TCL1B: variants seen among roughly 807,000 people sequenced by gnomAD.
TCL1B encodes the protein TCL1 family AKT coactivator B.
A neutral mutation model predicts 16.9 loss-of-function variants in TCL1B; 14 were observed. The ratio of observed to expected loss-of-function variants is 0.83; its 90% CI spans 0.55 to 1.30. The LOEUF (loss-of-function observed/expected upper bound fraction) is 1.30. Ranked by LOEUF, TCL1B falls within the 50% of genes most tolerant of loss-of-function variation. The probability of loss-of-function intolerance (pLI) is 0.00; values close to 1 mark genes in which losing one functional copy is unlikely to be tolerated. For synonymous variants in TCL1B, 79 were observed against 66.6 expected, an observed-to-expected ratio of 1.19 and a Z score of -0.91; for missense variants, 166 against 165.2, an observed-to-expected ratio of 1.00 and a Z score of -0.03.
At chr14:95,691,121 C>A in intron 2 of TCL1B, 147 bp from the exon 3 acceptor site, 1 of 1,097,632 alleles carries the variant, frequency 9.1e-7, no homozygotes, top group Non-Finnish European at 1.3e-6. Context: ...GGGAGGGTTG[C>A]CTTCCCTGGG....
rs982837863 is a variant in TCL1B, at chr14:95,689,204, T to G, written c.163-1532T>G. 1.1e-4 allele frequency: 17 copies of G among 152,232 alleles called. No homozygotes were observed. In the East Asian group the frequency reaches 1.7e-3, roughly 16 times the overall value. 9.4% of individuals were successfully genotyped at this position (152,232 alleles called of 1,614,324 possible). On this transcript the variant is annotated intron_variant, in intron 1 of 3. Transcript: ENST00000340722. ...CGGGGGGCTGAGGCAGGAGAATGGC[T>G]TGAACCTGGGAGGCAGAGCTTGCAG...
At chr14:95,686,658 G>T (rs750192867) in intron 1 of TCL1B, 29 bp downstream of exon 1, 101 of 1,582,964 alleles carry the variant, frequency 6.4e-5, no homozygotes, top group Non-Finnish European at 8.2e-5. Flanking sequence ...GGGAGGCTGT[G>T]GGGAGGGCTG....
intron 2 of TCL1B, 147 bp from the exon 3 acceptor site, chr14:95,691,121 C>G: frequency 9.1e-7 from 1 of 1,097,632 alleles, no homozygotes; most frequent in Non-Finnish European, 1.3e-6. Context: ...GGGAGGGTTG[C>G]CTTCCCTGGG....
At chr14:95,690,205 T>C (rs1885849505) in intron 1 of TCL1B, among the ~76,000 whole-genome samples, 1 of 152,228 alleles carries the variant, frequency 6.6e-6, no homozygotes, top group African/African-American at 2.4e-5. Context: ...TCTCATTATG[T>C]TGCCGAGGCT....
intron 1 of TCL1B, chr14:95,688,120 C>T (rs144125780): frequency 0.018 from 2,724 of 152,018 alleles, 51 homozygotes; most frequent in Admixed American, 0.041. Flanking sequence ...CTCAGCCTCC[C>T]GAGTAGCTTG....
chr14:95,690,160 G>A (rs1953582744), intron 1 of TCL1B, among the ~76,000 whole-genome samples: 1 of 152,140 alleles, frequency 6.6e-6, no homozygotes, highest in African/African-American at 2.4e-5. Context: ...ATGCCACCAT[G>A]GCCAGCTAAT....
rs34993719 is a variant in TCL1B at position 95,691,342 on chromosome 14, T to A, written c.*15+6T>A. 213,342 of 1,611,726 alleles carry A rather than the reference T, an allele frequency of 0.13. 14,743 individuals carry two copies. The highest frequency in any genetic ancestry group is 0.17 in the East Asian group (7,771 of 44,850). On this transcript the variant is annotated splice_donor_region_variant and intron_variant, in intron 3 of 3. Transcript: ENST00000340722. ...ACTGACACTGGGAGTGGCTGGTATG[T>A]TGGGGCCCTGTGCGTCTCAGTGTAG...
At chr14:95,687,992 A>G (rs1286912562) in intron 1 of TCL1B, among the ~76,000 whole-genome samples, 1 of 151,236 alleles carries the variant, frequency 6.6e-6, no homozygotes, top group Non-Finnish European at 1.5e-5. Flanking sequence ...CTTCGTAAAC[A>G]ATTCACTGCC....
chr14:95,688,590 C>A (rs1885810749), intron 1 of TCL1B, among the ~76,000 whole-genome samples: 1 of 150,856 alleles, frequency 6.6e-6, no homozygotes, highest in Non-Finnish European at 1.5e-5. Flanking sequence ...GACTCTGAAG[C>A]CGGAACTTAA....
At chr14:95,691,378 A>G in intron 3 of TCL1B, 42 bp downstream of exon 3, 1 of 1,581,592 alleles carries the variant, frequency 6.3e-7, no homozygotes, top group Non-Finnish European at 8.6e-7. Flanking sequence ...GGATCAGACG[A>G]AAGTGAGAAG....
intron 3 of TCL1B, 52 bp downstream of exon 3, chr14:95,691,388 G>T: frequency 6.4e-7 from 1 of 1,553,248 alleles, no homozygotes; most frequent in South Asian, 1.2e-5. Flanking sequence ...AAAGTGAGAA[G>T]ACCTCTCCTC....
chr14:95,686,759 G>A (rs1885770618), intron 1 of TCL1B, 130 bp downstream of exon 1: 1 of 1,164,210 alleles, frequency 8.6e-7, no homozygotes, highest in African/African-American at 1.5e-5. Flanking sequence ...TGCAGGTCTA[G>A]GAGCGCAGCA....
chr14:95,689,079 G>A (rs1200884440), intron 1 of TCL1B, among the ~76,000 whole-genome samples: 1 of 152,160 alleles, frequency 6.6e-6, no homozygotes, highest in Non-Finnish European at 1.5e-5. Context: ...AAGGTCAGGA[G>A]ATCGAGACCA....
chr14:95,689,112 C>G (rs1022060668), intron 1 of TCL1B, among the ~76,000 whole-genome samples: 1 of 152,008 alleles, frequency 6.6e-6, no homozygotes. Context: ...CGGTGAAACC[C>G]CGTCTCTACT....
intron 1 of TCL1B, chr14:95,689,385 G>C (rs1433250202): frequency 6.6e-6 from 1 of 152,076 alleles, no homozygotes; most frequent in Non-Finnish European, 1.5e-5. Flanking sequence ...CTTAGCCACG[G>C]GTGGGATAAG....
At chr14:95,691,632 G>A (rs1846988981) in intron 3 of TCL1B, 1 of 277,632 alleles carries the variant, frequency 3.6e-6, no homozygotes, top group African/African-American at 2.2e-5. Context: ...GAAAAGACAA[G>A]ACTCTGGGGA....
chr14:95,692,526 G>T lies in TCL1B; in HGVS notation c.*611G>T. ...GTGGGGAGCATGGAGGGATGGGTTT[G>T]GCCTGTGCTTCTGCTTATTCAGTCC... is the stretch of plus-strand genomic sequence containing the variant. On this transcript the variant is annotated 3_prime_UTR_variant, in exon 4 of 4. Transcript: ENST00000340722. 1 of 152,424 alleles carries T rather than the reference G, an allele frequency of 6.6e-6. No homozygotes were observed. The highest frequency in any genetic ancestry group is 1.5e-5 in the Non-Finnish European group (1 of 68,124). The allele number at this position is 152,424 out of a possible 1,614,324, so 9.4% of individuals were successfully genotyped here.
Position 95,686,586 on chromosome 14 carries a change from A to G in TCL1B, c.119A>G (p.Asn40Ser), listed in dbSNP as rs370311880. The change falls in exon 1 of 4, where the codon AAT becomes AGT. Residue 40 changes from asparagine (N) to serine (S), a missense_variant. Transcript: ENST00000340722. ...TGGGTGACTGTGGTCGTGCGGTTCA[A>G]TCCCTCGCGTAGGGAATGGGCCAGG... is the stretch of plus-strand genomic sequence containing the variant. ...RTWVTVVVRF[N>S]PSRREWARAS... The G allele has an allele frequency of 5.4e-5, 87 of 1,613,438 alleles. No individual in the cohort carries two copies. The highest frequency in any genetic ancestry group is 6.7e-5 in the Non-Finnish European group (79 of 1,179,710).
intron 1 of TCL1B, chr14:95,688,155 G>C (rs1360405863): frequency 7.0e-6 from 1 of 142,746 alleles, no homozygotes; most frequent in Admixed American, 7.1e-5. Flanking sequence ...TTTTTTTACA[G>C]TTAATTTTTT....
Sources: allele counts gnomAD v4.1 joint callset (sites outside exome capture counted in the v4.1 genomes callset), GRCh38; gene constraint gnomAD v4.1.1; transcripts MANE v1.5; gene names NCBI Gene and HGNC (gene_info 2026-07-23, HGNC 2026-07-21).